Variants in DOK6 observed in about 807,000 individuals in gnomAD.
The protein encoded by DOK6 is downstream of tyrosine kinase 6.
A neutral mutation model predicts 44.0 loss-of-function variants in DOK6; 22 were observed. The observed-to-expected ratio is 0.50, with a 90% CI of 0.36 to 0.71. DOK6 has a LOEUF of 0.71. DOK6 is among the 30% of genes least tolerant of loss of function. DOK6 has a pLI of 0.00. For missense variants in DOK6, 340 were observed against 416.4 expected (o/e 0.82, Z 1.60); for synonymous variants, 166 against 145.5 (o/e 1.14, Z -1.01).
intron 1 of DOK6, among the ~76,000 whole-genome samples, chr18:69,455,570 A>G (rs1979612367): frequency 6.6e-6 from 1 of 152,148 alleles, no homozygotes; most frequent in African/African-American, 2.4e-5. Context: ...CATGTGGCAT[A>G]TGCATTGAAA....
At chr18:69,595,652 G>C (rs527596102) in intron 2 of DOK6, among the ~76,000 whole-genome samples, 254 of 152,220 alleles carry the variant, frequency 1.7e-3, no homozygotes, top group South Asian at 5.0e-3. Flanking sequence ...TTCTCTGATA[G>C]GAGTTCTTTT....
chr18:69,486,219 T>G (rs1368263069), intron 1 of DOK6, among the ~76,000 whole-genome samples: 2 of 152,080 alleles, frequency 1.3e-5, no homozygotes, highest in African/African-American at 2.4e-5. Context: ...CTTTAAACAT[T>G]AGCTTTACTA....
intron 5 of DOK6, among the ~76,000 whole-genome samples, chr18:69,715,079 CT>C (rs1463214503): frequency 6.6e-6 from 1 of 152,158 alleles, no homozygotes; most frequent in Non-Finnish European, 1.5e-5. Flanking sequence ...TTATACATGT[CT>C]CCCATTAAGG....
chr18:69,472,308 A>C (rs1464389131), intron 1 of DOK6, among the ~76,000 whole-genome samples: 2 of 152,184 alleles, frequency 1.3e-5, no homozygotes, highest in Admixed American at 1.3e-4. Flanking sequence ...GCACACAATG[A>C]GGTTCCCTTT....
chr18:69,728,708 TGGAAGAGAAA>T (rs1172258461), intron 5 of DOK6, among the ~76,000 whole-genome samples: 3 of 152,096 alleles, frequency 2.0e-5, no homozygotes, highest in Non-Finnish European at 4.4e-5. Flanking sequence ...CAGCTGTTTG[TGGAAGAGAAA>T]AGGTCTCCTT....
intron 1 of DOK6, among the ~76,000 whole-genome samples, chr18:69,523,614 A>G (rs1394562197): frequency 6.6e-6 from 1 of 152,016 alleles, no homozygotes; most frequent in Non-Finnish European, 1.5e-5. Flanking sequence ...TCACTTTAAT[A>G]GTTTTATCAA....
At chr18:69,604,666 C>T (rs186827410) in intron 3 of DOK6, among the ~76,000 whole-genome samples, 2 of 151,512 alleles carry the variant, frequency 1.3e-5, no homozygotes. Context: ...ACATGCTGAT[C>T]GGGATAAAAA....
intron 3 of DOK6, among the ~76,000 whole-genome samples, chr18:69,603,737 C>G (rs1427756157): frequency 2.9e-5 from 4 of 136,650 alleles, no homozygotes; most frequent in Non-Finnish European, 6.1e-5. Flanking sequence ...CGCCACTGCA[C>G]TCCAGCCTGG....
chr18:69,719,135 G>A (rs1044387470), intron 5 of DOK6, among the ~76,000 whole-genome samples: 2 of 152,170 alleles, frequency 1.3e-5, no homozygotes, highest in African/African-American at 4.8e-5. Context: ...TTGCAAATCA[G>A]CCAAATGGAA....
chr18:69,624,721 T>C (rs139648705), intron 3 of DOK6, among the ~76,000 whole-genome samples: 422 of 152,210 alleles, frequency 2.8e-3, no homozygotes, highest in Middle Eastern at 0.01. Flanking sequence ...CAATATCATT[T>C]TTATTTACTA....
intron 3 of DOK6, among the ~76,000 whole-genome samples, chr18:69,631,806 G>A (rs761132262): frequency 6.6e-5 from 10 of 152,160 alleles, no homozygotes; most frequent in African/African-American, 9.7e-5. Context: ...CAAAGTGTCC[G>A]AAAATCCAAG....
intron 1 of DOK6, among the ~76,000 whole-genome samples, chr18:69,548,492 T>G (rs1982471087): frequency 6.6e-6 from 1 of 151,622 alleles, no homozygotes; most frequent in Non-Finnish European, 1.5e-5. Context: ...ATATCCTGAC[T>G]TACAATTTTG....
At chr18:69,756,970 G>C (rs1011806661) in intron 6 of DOK6, among the ~76,000 whole-genome samples, 1 of 152,168 alleles carries the variant, frequency 6.6e-6, no homozygotes, top group African/African-American at 2.4e-5. Context: ...AACCATTTCT[G>C]CATGCTTCTT....
chr18:69,751,211 G>T (rs1054802253), intron 6 of DOK6, among the ~76,000 whole-genome samples: 2 of 152,078 alleles, frequency 1.3e-5, no homozygotes, highest in East Asian at 1.9e-4. Flanking sequence ...AGTTAGTAAT[G>T]CTGTATTGTA....
chr18:69,645,475 T>C (rs1033728681), intron 3 of DOK6, among the ~76,000 whole-genome samples: 6 of 152,138 alleles, frequency 3.9e-5, no homozygotes, highest in Non-Finnish European at 8.8e-5. Flanking sequence ...TTGGGACCAA[T>C]TGTATCAGAT....
intron 7 of DOK6, among the ~76,000 whole-genome samples, chr18:69,794,000 T>C (rs1252741515): frequency 6.6e-6 from 1 of 152,192 alleles, no homozygotes; most frequent in Non-Finnish European, 1.5e-5. Context: ...TATTTATTTT[T>C]ATTTAACATC....
At chr18:69,654,820 G>A (rs1985320728) in intron 3 of DOK6, among the ~76,000 whole-genome samples, 1 of 152,178 alleles carries the variant, frequency 6.6e-6, no homozygotes, top group Admixed American at 6.5e-5. Context: ...TACTTTGGGA[G>A]GTGGAGATGG....
intron 1 of DOK6, among the ~76,000 whole-genome samples, chr18:69,472,429 G>T (rs908798098): frequency 2.9e-4 from 44 of 152,270 alleles, no homozygotes; most frequent in African/African-American, 1.0e-3. Context: ...TAGGGTCTCA[G>T]ATTTCTGTGC....
intron 7 of DOK6, among the ~76,000 whole-genome samples, chr18:69,800,994 T>G (rs1049436554): frequency 6.6e-5 from 10 of 152,162 alleles, no homozygotes; most frequent in Middle Eastern, 3.2e-3. Flanking sequence ...TAAAATGAAT[T>G]TTTTTATTTT....
Sources: gnomAD v4.1 joint callset for allele counts (sites outside exome capture counted in the v4.1 genomes callset) on GRCh38, gnomAD v4.1.1 for gene constraint, MANE v1.5 for transcripts, NCBI Gene and HGNC (gene_info 2026-07-23, HGNC 2026-07-21) for gene names.